CPZ: variants seen among roughly 807,000 people sequenced by gnomAD.
The protein encoded by CPZ is VEZT/CPZ fusion.
A neutral mutation model predicts 61.8 loss-of-function variants in CPZ; 103 were observed. The ratio of observed to expected loss-of-function variants is 1.67; its 90% CI spans 1.42 to 1.96. The LOEUF (loss-of-function observed/expected upper bound fraction) is 1.96. CPZ is among the 30% of genes most tolerant of loss of function. The pLI, the probability that CPZ is intolerant of heterozygous loss-of-function variation, is 0.00. For synonymous variants in CPZ, 551 were observed against 373.7 expected, an observed-to-expected ratio of 1.47 and a Z score of -5.47; for missense variants, 1,461 against 914.9, an observed-to-expected ratio of 1.60 and a Z score of -7.70.
intron 1 of CPZ, among the ~76,000 whole-genome samples, chr4:8,593,714 G>T (rs1297501826): frequency 6.6e-6 from 1 of 152,184 alleles, no homozygotes; most frequent in Non-Finnish European, 1.5e-5. Context: ...TGTTCTCTGG[G>T]GTTTGTGGAT....
intron 7 of CPZ, among the ~76,000 whole-genome samples, chr4:8,608,944 G>A (rs1462011259): frequency 6.7e-6 from 1 of 148,352 alleles, no homozygotes; most frequent in Non-Finnish European, 1.5e-5. Context: ...AGCAACACCT[G>A]GGCCACCGGC....
chr4:8,593,437 G>A (rs886066714), intron 1 of CPZ, among the ~76,000 whole-genome samples: 1 of 152,200 alleles, frequency 6.6e-6, no homozygotes, highest in Non-Finnish European at 1.5e-5. Flanking sequence ...GGGATCTGGG[G>A]CCCGGAGAGG....
chr4:8,613,332 A>C (rs962870587), intron 8 of CPZ, among the ~76,000 whole-genome samples: 4 of 152,076 alleles, frequency 2.6e-5, no homozygotes, highest in African/African-American at 7.2e-5. Flanking sequence ...GGGTTTCACC[A>C]TGTTGGCCAG....
At chr4:8,611,298 AG>A (rs1033475834) in intron 7 of CPZ, 1 of 456,022 alleles carries the variant, frequency 2.2e-6, no homozygotes, top group African/African-American at 2.0e-5. Flanking sequence ...GACGGCCCAG[AG>A]CCCCCACAAA....
Position 8,619,732 on chromosome 4 carries a change from T to A in CPZ, c.*115T>A. 2 of 809,958 alleles carry A rather than the reference T, an allele frequency of 2.5e-6. No homozygotes were observed. The highest frequency in any genetic ancestry group is 1.8e-6 in the Non-Finnish European group (1 of 549,574). The allele number at this position is 809,958 out of a possible 1,614,324, so 50.2% of individuals were successfully genotyped here. A position where few individuals can be genotyped will look rare whatever the true frequency, so the allele number is the denominator to read the frequency against. ...TCCCACAAAGCCGCTGCCATTTTAT[T>A]AAAGTGTTTTGATCCACTTTGCACT... On this transcript the variant is annotated 3_prime_UTR_variant, in exon 11 of 11. Transcript: ENST00000360986.
At chr4:8,603,697 C>T (rs1714739896) in intron 3 of CPZ, 1 of 528,858 alleles carries the variant, frequency 1.9e-6, no homozygotes, top group Non-Finnish European at 3.4e-6. Flanking sequence ...TTCTGTTGTC[C>T]TGCTCCGTAT....
chr4:8,605,571 C>A (rs954331674), intron 4 of CPZ, among the ~76,000 whole-genome samples: 1 of 119,582 alleles, frequency 8.4e-6, no homozygotes, highest in African/African-American at 3.7e-5. Context: ...ATATATCTAT[C>A]CATCCAGCCA....
chr4:8,609,165 C>A lies in CPZ; in HGVS notation c.1227+1740C>A, dbSNP rs1383152100. On this transcript the variant is annotated intron_variant, in intron 7 of 10. Transcript: ENST00000360986. Reference sequence around the variant, plus strand: ...TCATTCACCCACTCCCTCACTCATTCACTCACCCATTCACTCAGGCATTCA... The same window carrying A: ...TCATTCACCCACTCCCTCACTCATTAACTCACCCATTCACTCAGGCATTCA... Among the ~76,000 whole-genome samples the A allele has an allele frequency of 2.1e-3, 70 of 33,230 alleles. 1 individual carries two copies. The highest frequency in any genetic ancestry group is 0.018 in the Middle Eastern group (1 of 56). The allele number at this position is 33,230 out of a possible 152,430, so 21.8% of individuals were successfully genotyped here. A position where few individuals can be genotyped will look rare whatever the true frequency, so the allele number is the denominator to read the frequency against.
chr4:8,606,027 A>C lies in CPZ; in HGVS notation c.748A>C (p.Asn250His). The C allele has an allele frequency of 3.7e-6, 6 of 1,614,108 alleles. No homozygotes were observed. The highest frequency in any genetic ancestry group is 5.1e-6 in the Non-Finnish European group (6 of 1,179,950). The change falls in exon 5 of 11, where the codon AAC (asparagine) becomes CAC (histidine). Residue 250 changes from asparagine (N) to histidine (H), a missense_variant. Physicochemically the swap from Asn to His is moderately conservative, Grantham distance 68. Transcript: ENST00000360986. ...GAAGCTCATCGGCAACATTCATGGC[A>C]ACGAGGTGGCGGGCCGGGAGATGCT... The part of the protein sequence containing the change: ...EVKLIGNIHG[N>H]EVAGREMLIY...
intron 9 of CPZ, 30 bp from the exon 10 acceptor site, chr4:8,618,399 A>C: frequency 6.2e-7 from 1 of 1,606,496 alleles, no homozygotes; most frequent in Non-Finnish European, 8.5e-7. Flanking sequence ...AGCTCACGCC[A>C]TCTCCCTGGC....
chr4:8,610,545 C>G (rs1251186826), intron 7 of CPZ, among the ~76,000 whole-genome samples: 1 of 152,162 alleles, frequency 6.6e-6, no homozygotes, highest in Non-Finnish European at 1.5e-5. Context: ...CTCCTACCCC[C>G]CGAGGCTACA....
Position 8,603,963 on chromosome 4 carries a change from A to T in CPZ, c.497-13A>T. 6.2e-7 allele frequency: 1 copy of T among 1,610,900 alleles called. No homozygotes were observed. The highest frequency in any genetic ancestry group is 8.5e-7 in the Non-Finnish European group (1 of 1,179,032). On this transcript the variant is annotated splice_polypyrimidine_tract_variant and intron_variant, in intron 3 of 10. Transcript: ENST00000360986. ...GGCCTGACACTGACTGAGCCCCCCCACTGCTCCCCCAGGAGGCCTGGAGGC... is the reference window on the plus strand; with the variant it reads ...GGCCTGACACTGACTGAGCCCCCCCTCTGCTCCCCCAGGAGGCCTGGAGGC...
intron 4 of CPZ, 113 bp from the exon 5 acceptor site, chr4:8,605,876 A>G (rs1199311658): frequency 1.9e-6 from 2 of 1,043,892 alleles, no homozygotes; most frequent in African/African-American, 3.2e-5. Flanking sequence ...GAGTCAAAAC[A>G]AGTATGAATT....
At position 8,616,667 on chromosome 4, in the gene CPZ, T is replaced by A. The variant is rs1018477336; in HGVS notation, c.1504-1762T>A. Among the ~76,000 whole-genome samples the A allele has an allele frequency of 2.0e-5, 3 of 152,088 alleles. No individual in the cohort carries two copies. In the East Asian group the frequency reaches 5.8e-4, roughly 29 times the overall value. On this transcript the variant is annotated intron_variant, in intron 9 of 10. Transcript: ENST00000360986. ...TAGCAGAGAAGGCTCAGATGCTGTC[T>A]GGGGGTGAGGAGGAGCCACAGGGTG... is the stretch of plus-strand genomic sequence containing the variant.
At chr4:8,616,876 G>A (rs942977565) in intron 9 of CPZ, among the ~76,000 whole-genome samples, 4 of 152,182 alleles carry the variant, frequency 2.6e-5, no homozygotes, top group East Asian at 1.9e-4. Context: ...TGGGGGTCAC[G>A]AGCCCCAGAG....
intron 10 of CPZ, 102 bp from the exon 11 acceptor site, chr4:8,619,160 T>G (rs1174797478): frequency 3.0e-6 from 3 of 1,016,798 alleles, no homozygotes; most frequent in Admixed American, 5.5e-5. Context: ...ATTTGGCGCC[T>G]GCCTCCCATG....
chr4:8,607,204 G>A, intron 6 of CPZ, 63 bp from the exon 7 acceptor site: 1 of 1,559,996 alleles, frequency 6.4e-7, no homozygotes, highest in Non-Finnish European at 8.7e-7. Context: ...CTGAAGCCCA[G>A]GGCATGGCTG....
Position 8,619,289 on chromosome 4 carries a change from T to G in CPZ, c.1631T>G (p.Leu544Arg), listed in dbSNP as rs1716476100. 3.1e-6 allele frequency: 5 copies of G among 1,613,322 alleles called. No homozygotes were observed. In the East Asian group the frequency reaches 1.1e-4, roughly 36 times the overall value. ...TAPDGDYWRL[L>R]PPGIHIVIAQ... ...CCAGATGGTGACTACTGGAGACTGC[T>G]GCCCCCAGGTATCCACATTGTCATT... The change falls in exon 11 of 11, where the codon CTG becomes CGG. Residue 544 changes from leucine (L) to arginine (R), a missense_variant. Leu to Arg is a moderately radical substitution (Grantham distance 102). Transcript: ENST00000360986.
At chr4:8,600,320 G>A (rs1156280233) in intron 2 of CPZ, among the ~76,000 whole-genome samples, 1 of 152,122 alleles carries the variant, frequency 6.6e-6, no homozygotes, top group Non-Finnish European at 1.5e-5. Flanking sequence ...AAAGAATCCT[G>A]TCCTTTCTAG....
Sources: gnomAD v4.1 joint callset for allele counts (sites outside exome capture counted in the v4.1 genomes callset) on GRCh38, gnomAD v4.1.1 for gene constraint, MANE v1.5 for transcripts, NCBI Gene and HGNC (gene_info 2026-07-23, HGNC 2026-07-21) for gene names.